Variants in HDAC4 observed in about 807,000 individuals in gnomAD.
HDAC4 encodes the protein histone deacetylase 4.
A neutral mutation model predicts 135.1 loss-of-function variants in HDAC4; 16 were observed. The ratio of observed to expected loss-of-function variants is 0.12; its 90% confidence interval spans 0.08 to 0.18. The LOEUF (loss-of-function observed/expected upper bound fraction) is 0.18. Among genes scored for constraint, HDAC4 ranks in the 10% least tolerant of loss-of-function variants. The pLI is 1.00. For missense variants in HDAC4, 1,143 were observed against 1,511.8 expected, an observed-to-expected ratio of 0.76 and a Z score of 4.05; for synonymous variants, 685 against 653.4, an observed-to-expected ratio of 1.05 and a Z score of -0.74.
chr2:239,392,385 T>G (rs903271629), intron 1 of HDAC4, among the ~76,000 whole-genome samples: 2 of 152,228 alleles, frequency 1.3e-5, no homozygotes, highest in Non-Finnish European at 2.9e-5. Context: ...CTCCAAAGAA[T>G]GGGGACTGTG....
At chr2:239,381,140 A>G (rs1228702161) in intron 1 of HDAC4, among the ~76,000 whole-genome samples, 2 of 152,244 alleles carry the variant, frequency 1.3e-5, no homozygotes, top group African/African-American at 4.8e-5. Flanking sequence ...AGGAACCAAG[A>G]GTCACGGAGC....
intron 21 of HDAC4, 127 bp from the exon 22 acceptor site, chr2:239,081,319 C>T: frequency 1.3e-6 from 1 of 754,034 alleles, no homozygotes; most frequent in Non-Finnish European, 2.3e-6. Context: ...GCCCACGTGT[C>T]CTGATCTCCT....
At chr2:239,089,937 G>A (rs769243704) in intron 18 of HDAC4, 72 bp downstream of exon 18, 6 of 1,108,908 alleles carry the variant, frequency 5.4e-6, no homozygotes, top group African/African-American at 1.5e-5. Flanking sequence ...GACGGAGTGG[G>A]CGGCCCCTCC....
chr2:239,373,487 G>C (rs923567811), intron 1 of HDAC4, among the ~76,000 whole-genome samples: 1 of 151,332 alleles, frequency 6.6e-6, no homozygotes, highest in African/African-American at 2.4e-5. Context: ...TGTTTGTTTT[G>C]AGACAGAGTC....
chr2:239,181,889 G>C (rs146754887), intron 4 of HDAC4, among the ~76,000 whole-genome samples: 112 of 152,310 alleles, frequency 7.4e-4, no homozygotes, highest in Non-Finnish European at 9.3e-4. Flanking sequence ...CGTCACTTTT[G>C]AAAGATGTCG....
chr2:239,080,938 C>T (rs1305124740), intron 22 of HDAC4, 157 bp downstream of exon 22: 9 of 611,846 alleles, frequency 1.5e-5, no homozygotes, highest in Non-Finnish European at 2.3e-5. Flanking sequence ...CCACGCTTGG[C>T]ACTGAAGAAT....
intron 5 of HDAC4, among the ~76,000 whole-genome samples, chr2:239,174,160 C>G (rs933537267): frequency 6.6e-6 from 1 of 152,066 alleles, no homozygotes; most frequent in Non-Finnish European, 1.5e-5. Flanking sequence ...ACAAAATCAT[C>G]TAAAGGAAAA....
intron 13 of HDAC4, among the ~76,000 whole-genome samples, chr2:239,112,272 C>T (rs1029769793): frequency 2.0e-5 from 3 of 152,204 alleles, no homozygotes; most frequent in Admixed American, 2.0e-4. Context: ...CGAAGCCCAA[C>T]CCCCTTGTTG....
In HDAC4 at chr2:239,382,270, G is replaced by A. The variant is rs557357840; in HGVS notation, c.-220+18708C>T. Among the ~76,000 whole-genome samples, 4 of 152,286 alleles carry A rather than the reference G, an allele frequency of 2.6e-5. No individual in the cohort carries two copies. In the East Asian group the frequency reaches 5.8e-4, roughly 22 times the overall value. On this transcript the variant is annotated intron_variant, in intron 1 of 26. Coordinates refer to ENST00000543185, the MANE Select transcript of HDAC4 (RefSeq NM_001378414.1). ...TAGAATTAATGGATTCTTTATTTGC[G>A]TGCATTGGTGATACTCAGCCTGTCT...
intron 6 of HDAC4, among the ~76,000 whole-genome samples, chr2:239,159,539 CCA>C (rs973330902): frequency 3.2e-4 from 48 of 151,098 alleles, no homozygotes; most frequent in South Asian, 1.1e-3. Flanking sequence ...ACCCCACCTC[CCA>C]CACACACACC....
chr2:239,204,162 C>T (rs2153080744), intron 3 of HDAC4, among the ~76,000 whole-genome samples: 1 of 152,358 alleles, frequency 6.6e-6, no homozygotes, highest in Non-Finnish European at 1.5e-5. Flanking sequence ...CTGGCGGCTT[C>T]TGTGAACCTG....
chr2:239,255,680 TGTGA>T (rs2049014199), intron 2 of HDAC4, among the ~76,000 whole-genome samples: 1 of 152,184 alleles, frequency 6.6e-6, no homozygotes, highest in Admixed American at 6.5e-5. Context: ...TATGGTCTAG[TGTGA>T]GTAACTCTGC....
chr2:239,274,779 G>A (rs2050255263), intron 2 of HDAC4, among the ~76,000 whole-genome samples: 1 of 152,116 alleles, frequency 6.6e-6, no homozygotes. Context: ...GAAAAGAAAA[G>A]GCTCAGAAGT....
chr2:239,321,622 G>A (rs539145603), intron 2 of HDAC4, among the ~76,000 whole-genome samples: 5 of 152,194 alleles, frequency 3.3e-5, no homozygotes, highest in Non-Finnish European at 5.9e-5. Context: ...GTCCTTTGTG[G>A]GGTTCTCAGA....
intron 2 of HDAC4, among the ~76,000 whole-genome samples, chr2:239,254,355 G>A (rs2048943004): frequency 6.6e-6 from 1 of 150,594 alleles, no homozygotes; most frequent in Non-Finnish European, 1.5e-5. Flanking sequence ...CAACAAAACC[G>A]AGAAATGACT....
At chr2:239,064,228 C>A (rs1055452255) in intron 24 of HDAC4, among the ~76,000 whole-genome samples, 4 of 152,248 alleles carry the variant, frequency 2.6e-5, no homozygotes, top group Non-Finnish European at 4.4e-5. Context: ...AGGCCTGTGT[C>A]TGAATGAGAC....
intron 2 of HDAC4, among the ~76,000 whole-genome samples, chr2:239,250,742 C>T (rs571558552): frequency 6.9e-4 from 105 of 152,224 alleles, no homozygotes; most frequent in Non-Finnish European, 1.4e-3. Context: ...GGACGGTTTT[C>T]AGTGGCCTGA....
At chr2:239,169,341 C>T (rs967666594) in intron 5 of HDAC4, among the ~76,000 whole-genome samples, 2 of 152,238 alleles carry the variant, frequency 1.3e-5, no homozygotes, top group South Asian at 2.1e-4. Flanking sequence ...GGCGCACACC[C>T]GCGATGTGGG....
chr2:239,242,230 AAGGGAGGGAGGG>A (rs142708646), intron 2 of HDAC4, among the ~76,000 whole-genome samples: 20 of 99,280 alleles, frequency 2.0e-4, no homozygotes, highest in African/African-American at 3.0e-4. Flanking sequence ...GAAGGAGGGG[AAGGGAGGGAGGG>A]AGGGAGGGAG....
Sources: allele counts gnomAD v4.1 joint callset (sites outside exome capture counted in the v4.1 genomes callset), GRCh38; gene constraint gnomAD v4.1.1; transcripts MANE v1.5; gene names NCBI Gene and HGNC (gene_info 2026-07-23, HGNC 2026-07-21).